Variants in SPATA9 observed in about 807,000 individuals in gnomAD.
SPATA9 encodes spermatogenesis associated 9, also known as spermatogenesis-associated protein 9.
SPATA9 carries 27 observed loss-of-function variants against 25.5 expected under a neutral mutation model. The observed-to-expected ratio is 1.06, with a 90% confidence interval of 0.78 to 1.46. SPATA9 has a LOEUF of 1.46. SPATA9 is among the 40% of genes most tolerant of loss of function. SPATA9 has a pLI of 0.00. For synonymous variants in SPATA9, 102 were observed against 105.7 expected (o/e 0.97, Z 0.21); for missense variants, 282 against 297.5 (o/e 0.95, Z 0.38).
chr5:95,728,289 T>C, the SPATA9 span, among the ~76,000 whole-genome samples: 2 of 152,202 alleles, frequency 1.3e-5, no homozygotes, highest in African/African-American at 4.8e-5. Context: ...GAAACCTTCA[T>C]GCCAGCACTA....
the SPATA9 span, among the ~76,000 whole-genome samples, chr5:95,718,921 G>C: frequency 2.0e-5 from 3 of 152,302 alleles, no homozygotes; most frequent in East Asian, 5.8e-4. Flanking sequence ...AGGGTAGAAG[G>C]CTGCTTGTCC....
chr5:95,706,080 C>G, the SPATA9 span, among the ~76,000 whole-genome samples: 1 of 152,114 alleles, frequency 6.6e-6, no homozygotes, highest in Non-Finnish European at 1.5e-5. Flanking sequence ...AAACAAAAAC[C>G]CATGTCCCAG....
the SPATA9 span, among the ~76,000 whole-genome samples, chr5:95,729,056 A>T: frequency 6.6e-6 from 1 of 152,232 alleles, no homozygotes; most frequent in African/African-American, 2.4e-5. Context: ...TTTCCAGAAA[A>T]ACTCATGAAT....
At chr5:95,724,864 C>T in the SPATA9 span, among the ~76,000 whole-genome samples, 4,122 of 152,162 alleles carry the variant, frequency 0.027, 180 homozygotes, top group African/African-American at 0.09. Flanking sequence ...AATGTAATGC[C>T]TGGTACATGG....
chr5:95,707,904 T>G, the SPATA9 span, among the ~76,000 whole-genome samples: 4 of 152,192 alleles, frequency 2.6e-5, no homozygotes, highest in Admixed American at 6.5e-5. Flanking sequence ...CTTGTGTTTT[T>G]GGGGAATCAA....
chr5:95,705,737 C>T, the SPATA9 span, among the ~76,000 whole-genome samples: 1 of 152,030 alleles, frequency 6.6e-6, no homozygotes, highest in African/African-American at 2.4e-5. Context: ...ATATGAAAAG[C>T]CTTTTCATTT....
At chr5:95,687,896 T>C (rs1346485104), upstream of SPATA9, among the ~76,000 whole-genome samples, 2 of 152,202 alleles carry the variant, frequency 1.3e-5, no homozygotes, top group Non-Finnish European at 2.9e-5. Context: ...TTTTACATGA[T>C]AGGCACTCAA....
At chr5:95,699,234 A>G (rs1240621111), upstream of SPATA9, among the ~76,000 whole-genome samples, 1 of 152,254 alleles carries the variant, frequency 6.6e-6, no homozygotes, top group Non-Finnish European at 1.5e-5. Context: ...CTACTTAAAT[A>G]ATGTGGCACA....
chr5:95,654,739 A>G (rs566474792), downstream of SPATA9, among the ~76,000 whole-genome samples: 22 of 152,306 alleles, frequency 1.4e-4, no homozygotes, highest in East Asian at 4.0e-3. Context: ...GCAGATCTAT[A>G]TGGGTATGGA....
At chr5:95,705,139 C>T in the SPATA9 span, among the ~76,000 whole-genome samples, 1 of 150,860 alleles carries the variant, frequency 6.6e-6, no homozygotes, top group East Asian at 1.9e-4. Flanking sequence ...TTTTATTTTT[C>T]GTATTTTTTG....
chr5:95,698,769 T>A (rs987735947), upstream of SPATA9: 11 of 152,112 alleles, frequency 7.2e-5, no homozygotes, highest in African/African-American at 2.7e-4. Flanking sequence ...AGATTAACAT[T>A]TGGTTTATTA....
upstream of SPATA9, among the ~76,000 whole-genome samples, chr5:95,699,264 G>A (rs61400254): frequency 0.016 from 2,460 of 152,246 alleles, 63 homozygotes; most frequent in African/African-American, 0.056. Context: ...CTCTTGGACC[G>A]TCGGTTTTCT....
At chr5:95,708,145 C>G in the SPATA9 span, among the ~76,000 whole-genome samples, 3 of 152,114 alleles carry the variant, frequency 2.0e-5, no homozygotes, top group African/African-American at 7.2e-5. Context: ...TTTTCTCGTT[C>G]CTGTTGGTGC....
At chr5:95,704,065 A>G in the SPATA9 span, among the ~76,000 whole-genome samples, 4 of 137,200 alleles carry the variant, frequency 2.9e-5, no homozygotes, top group Non-Finnish European at 6.0e-5. Flanking sequence ...ATACACACAT[A>G]CACACACACA....
intron 3 of SPATA9, chr5:95,674,714 C>G: frequency 2.2e-6 from 1 of 453,188 alleles, no homozygotes; most frequent in South Asian, 1.6e-5. Flanking sequence ...GGAATCTCAA[C>G]AGCTCTGGGT....
chr5:95,679,797 C>T (rs1753269844), intron 2 of SPATA9, among the ~76,000 whole-genome samples: 1 of 152,250 alleles, frequency 6.6e-6, no homozygotes, highest in Admixed American at 6.5e-5. Context: ...GTCCATTCTA[C>T]AAGTCCCAGA....
At chr5:95,721,053 T>C in the SPATA9 span, among the ~76,000 whole-genome samples, 1 of 152,240 alleles carries the variant, frequency 6.6e-6, no homozygotes, top group Non-Finnish European at 1.5e-5. Flanking sequence ...TACCCGGTGG[T>C]AATTAATCCT....
At chr5:95,728,635 T>C in the SPATA9 span, among the ~76,000 whole-genome samples, 8 of 152,220 alleles carry the variant, frequency 5.3e-5, no homozygotes, top group Non-Finnish European at 1.0e-4. Context: ...TTGAGTGTGC[T>C]AATATTCACA....
chr5:95,708,558 A>G, the SPATA9 span: 1 of 695,864 alleles, frequency 1.4e-6, no homozygotes, highest in African/African-American at 1.7e-5. Flanking sequence ...AAAACTGATA[A>G]GTATCTCGAC....
Sources: gnomAD v4.1 joint callset for allele counts (sites outside exome capture counted in the v4.1 genomes callset) on GRCh38, gnomAD v4.1.1 for gene constraint, MANE v1.5 for transcripts, NCBI Gene and HGNC (gene_info 2026-07-23, HGNC 2026-07-21) for gene names.